SLIT3: variants seen among roughly 807,000 people sequenced by gnomAD.
SLIT3 encodes slit homolog 3 protein.
In SLIT3, 68 loss-of-function variants were observed where a neutral mutation model predicts 184.0. The ratio of observed to expected loss-of-function variants is 0.37; its 90% confidence interval spans 0.30 to 0.45. The LOEUF (loss-of-function observed/expected upper bound fraction) is 0.45. Among genes scored for constraint, SLIT3 ranks in the 20% least tolerant of loss-of-function variants. The pLI is 1.00. For synonymous variants in SLIT3, 831 were observed against 828.6 expected (o/e 1.00, Z -0.05); for missense variants, 1,707 against 2,026.0 (o/e 0.84, Z 3.02).
intron 4 of SLIT3, among the ~76,000 whole-genome samples, chr5:168,936,756 T>A (rs566795541): frequency 6.6e-6 from 1 of 152,058 alleles, no homozygotes; most frequent in African/African-American, 2.4e-5. Flanking sequence ...TACAGGGTGG[T>A]TGGCGTTCAG....
intron 3 of SLIT3, among the ~76,000 whole-genome samples, chr5:169,227,094 T>C (rs750639717): frequency 2.0e-5 from 3 of 151,912 alleles, no homozygotes; most frequent in Non-Finnish European, 4.4e-5. Flanking sequence ...AATGGATAAG[T>C]GGGAGGGGTG....
At chr5:168,853,368 C>T (rs1581147298) in intron 5 of SLIT3, among the ~76,000 whole-genome samples, 1 of 152,168 alleles carries the variant, frequency 6.6e-6, no homozygotes, top group South Asian at 2.1e-4. Flanking sequence ...TTGGTGGCTA[C>T]TTCCAACTAA....
chr5:169,278,241 G>C (rs1361813488), intron 1 of SLIT3, among the ~76,000 whole-genome samples: 1 of 152,154 alleles, frequency 6.6e-6, no homozygotes, highest in Non-Finnish European at 1.5e-5. Flanking sequence ...GCGACCATCT[G>C]TACCACCTTT....
At chr5:168,675,115 G>A (rs1478024135) in intron 32 of SLIT3, among the ~76,000 whole-genome samples, 1 of 152,128 alleles carries the variant, frequency 6.6e-6, no homozygotes, top group Non-Finnish European at 1.5e-5. Context: ...AACAGTGGTG[G>A]GAGATGATGG....
chr5:168,772,579 T>TAC (rs35286362), intron 14 of SLIT3: 15 of 527,512 alleles, frequency 2.8e-5, no homozygotes, highest in Non-Finnish European at 4.9e-5. Context: ...ATTGTGTGTG[T>TAC]GTGTGTGTGT....
chr5:168,811,201 C>T lies in SLIT3; in HGVS notation c.794-4614G>A, dbSNP rs571497839. 7.2e-5 allele frequency among the ~76,000 whole-genome samples: 11 copies of T among 152,198 alleles called. No homozygotes were observed. The South Asian group carries it at 2.1e-3, about 29-fold the overall frequency. ...ACTTGCCCAAGGACACAGTGGGGTC[C>T]AAACTAAGAGTAGCCATCAGTCTCG... On this transcript the variant is annotated intron_variant, in intron 8 of 35. Coordinates refer to ENST00000519560, the MANE Select transcript of SLIT3 (RefSeq NM_003062.4).
intron 4 of SLIT3, chr5:169,030,426 A>T (rs1756986396): frequency 6.6e-6 from 1 of 152,216 alleles, no homozygotes; most frequent in Non-Finnish European, 1.5e-5. Context: ...GTGACCTACC[A>T]AACTGGCACA....
intron 12 of SLIT3, among the ~76,000 whole-genome samples, chr5:168,780,186 ATGT>A (rs1284225705): frequency 2.0e-5 from 3 of 152,262 alleles, no homozygotes; most frequent in Non-Finnish European, 2.9e-5. Flanking sequence ...GACATGGGTT[ATGT>A]TGCCCCTCCC....
At chr5:168,972,336 C>CGTGTGTGTGTTTGT (rs1353519749) in intron 4 of SLIT3, among the ~76,000 whole-genome samples, 1 of 39,778 alleles carries the variant, frequency 2.5e-5, no homozygotes, top group Non-Finnish European at 4.1e-5. Flanking sequence ...TGCAGGACAA[C>CGTGTGTGTGTTTGT]ATGTGTGTGT....
chr5:168,883,413 T>TC (rs915755310), intron 4 of SLIT3, 77 bp from the exon 5 acceptor site: 95 of 1,121,306 alleles, frequency 8.5e-5, no homozygotes, highest in East Asian at 9.6e-5. Context: ...ATGATAACAA[T>TC]CCCCCCCACC....
chr5:168,999,309 C>T (rs779172927), intron 4 of SLIT3, among the ~76,000 whole-genome samples: 9 of 152,148 alleles, frequency 5.9e-5, no homozygotes, highest in Non-Finnish European at 1.2e-4. Context: ...CCCAGATCTG[C>T]AGGCATGGAT....
intron 3 of SLIT3, among the ~76,000 whole-genome samples, chr5:169,232,448 C>T (rs1765039045): frequency 6.6e-6 from 1 of 152,226 alleles, no homozygotes; most frequent in Non-Finnish European, 1.5e-5. Flanking sequence ...TGGTCTCAAA[C>T]TCCTGACCTC....
intron 4 of SLIT3, among the ~76,000 whole-genome samples, chr5:169,188,124 T>C (rs1426847762): frequency 3.3e-5 from 5 of 152,112 alleles, no homozygotes; most frequent in Non-Finnish European, 2.9e-5. Flanking sequence ...TGCCTAGCTA[T>C]ATTTTTGTAT....
At position 168,690,042 on chromosome 5, in the gene SLIT3, A is replaced by C. The variant is rs115405687; in HGVS notation, c.3176+2565T>G. On this transcript the variant is annotated intron_variant, in intron 29 of 35. Transcript: ENST00000519560. ...TTAGTTACAATAGAGGTTTCTAGGA[A>C]TAAGTTCTGGGGATCATAAAAACCT... Among the ~76,000 whole-genome samples, 790 of 152,276 alleles carry C rather than the reference A, an allele frequency of 5.2e-3. 6 individuals carry two copies. Among genetic ancestry groups the C allele is most frequent in the African/African-American group, 0.018 (748 of 41,548 alleles).
intron 4 of SLIT3, among the ~76,000 whole-genome samples, chr5:169,142,498 G>A (rs1761781358): frequency 1.3e-5 from 2 of 152,180 alleles, no homozygotes; most frequent in African/African-American, 4.8e-5. Flanking sequence ...CAGAGACACA[G>A]TGAAATAGCA....
At chr5:169,299,805 G>C (rs1767625913) in intron 1 of SLIT3, among the ~76,000 whole-genome samples, 1 of 152,204 alleles carries the variant, frequency 6.6e-6, no homozygotes, top group Admixed American at 6.5e-5. Flanking sequence ...CGGTTTGTAA[G>C]ATTATAACGC....
intron 3 of SLIT3, among the ~76,000 whole-genome samples, chr5:169,207,154 G>A (rs1388871187): frequency 1.3e-5 from 2 of 151,332 alleles, no homozygotes; most frequent in African/African-American, 2.4e-5. Context: ...CGCTCACCTC[G>A]CTCACTCCCA....
intron 20 of SLIT3, among the ~76,000 whole-genome samples, chr5:168,732,547 A>G (rs10079367): frequency 0.17 from 25,655 of 152,196 alleles, 2,303 homozygotes; most frequent in Non-Finnish European, 0.2. Context: ...AGCTGGAGGC[A>G]TCATATTACC....
At chr5:169,097,369 A>AGGAGGAAAAGGGG (rs1759827991) in intron 4 of SLIT3, among the ~76,000 whole-genome samples, 1 of 152,028 alleles carries the variant, frequency 6.6e-6, no homozygotes, top group Non-Finnish European at 1.5e-5. Context: ...ATAAATGGGG[A>AGGAGGAAAAGGGG]GGAGGAAAAG....
Sources: allele counts gnomAD v4.1 joint callset (sites outside exome capture counted in the v4.1 genomes callset), GRCh38; gene constraint gnomAD v4.1.1; transcripts MANE v1.5; gene names NCBI Gene and HGNC (gene_info 2026-07-23, HGNC 2026-07-21).